Variants in KCNH7 observed in about 807,000 individuals in gnomAD.
KCNH7 encodes voltage-gated inwardly rectifying potassium channel KCNH7.
A neutral mutation model predicts 120.8 loss-of-function variants in KCNH7; 49 were observed. The observed-to-expected ratio is 0.41, with a 90% CI of 0.32 to 0.51. The LOEUF (loss-of-function observed/expected upper bound fraction) is 0.51, where lower values mean the gene tolerates loss of function less well. KCNH7 is among the 20% of genes least tolerant of loss of function. KCNH7 has a pLI of 0.38. For missense variants in KCNH7, 1,097 were observed against 1,446.6 expected, an observed-to-expected ratio of 0.76 and a Z score of 3.92; for synonymous variants, 547 against 516.1, an observed-to-expected ratio of 1.06 and a Z score of -0.81.
intron 2 of KCNH7, among the ~76,000 whole-genome samples, chr2:162,630,923 A>T (rs1212207599): frequency 7.2e-5 from 11 of 152,090 alleles, no homozygotes; most frequent in African/African-American, 2.7e-4. Flanking sequence ...ATCAGGTTCC[A>T]GGTAGCTGGG....
intron 6 of KCNH7, among the ~76,000 whole-genome samples, chr2:162,489,404 G>A (rs978511339): frequency 2.0e-5 from 3 of 152,004 alleles, no homozygotes; most frequent in African/African-American, 4.8e-5. Context: ...ATCTCATAAT[G>A]TTCTAAGAAA....
intron 6 of KCNH7, among the ~76,000 whole-genome samples, chr2:162,493,653 A>G (rs79453664): frequency 0.048 from 7,344 of 152,264 alleles, 407 homozygotes; most frequent in Admixed American, 0.16. Flanking sequence ...CCTAGTACAT[A>G]ATTAAAATAA....
At chr2:162,660,151 T>A (rs1036354168) in intron 2 of KCNH7, among the ~76,000 whole-genome samples, 1 of 152,136 alleles carries the variant, frequency 6.6e-6, no homozygotes, top group South Asian at 2.1e-4. Flanking sequence ...TCGTTATATC[T>A]TTTCTTAGGC....
chr2:162,487,367 A>T (rs1003261822), intron 6 of KCNH7, among the ~76,000 whole-genome samples: 1 of 152,162 alleles, frequency 6.6e-6, no homozygotes, highest in African/African-American at 2.4e-5. Flanking sequence ...ATATTTTCCA[A>T]GTTTGCCTGA....
chr2:162,600,423 G>T (rs1328262249), intron 2 of KCNH7, among the ~76,000 whole-genome samples: 1 of 151,982 alleles, frequency 6.6e-6, no homozygotes, highest in Non-Finnish European at 1.5e-5. Context: ...ATAATTTGGG[G>T]GTGGACAATT....
intron 6 of KCNH7, among the ~76,000 whole-genome samples, chr2:162,457,323 AAG>A (rs1237284132): frequency 3.9e-5 from 6 of 152,230 alleles, no homozygotes; most frequent in Non-Finnish European, 7.4e-5. Context: ...ATTTTCTTTT[AAG>A]AGAGAGAGAA....
intron 2 of KCNH7, among the ~76,000 whole-genome samples, chr2:162,634,678 T>C (rs1683893273): frequency 1.3e-5 from 2 of 152,158 alleles, no homozygotes; most frequent in Non-Finnish European, 2.9e-5. Context: ...AGCAGGTCTG[T>C]GTGCTTAGTA....
intron 2 of KCNH7, among the ~76,000 whole-genome samples, chr2:162,707,907 G>C (rs1214415031): frequency 6.6e-6 from 1 of 151,930 alleles, no homozygotes; most frequent in South Asian, 2.1e-4. Context: ...CATGAAGTCT[G>C]CTTCCTCATT....
At chr2:162,739,309 C>T (rs1688032303) in intron 2 of KCNH7, among the ~76,000 whole-genome samples, 1 of 152,176 alleles carries the variant, frequency 6.6e-6, no homozygotes, top group South Asian at 2.1e-4. Flanking sequence ...CCAAGGACTA[C>T]CTCCCAGCTG....
At position 162,827,753 on chromosome 2, in the gene KCNH7, T is replaced by C. The variant is rs748941409; in HGVS notation, c.307+8784A>G. On this transcript the variant is annotated intron_variant, in intron 2 of 15. Coordinates refer to ENST00000332142, the MANE Select transcript of KCNH7 (RefSeq NM_033272.4). ...TTTGCAAGTATAGATAAATGTAAATTGTAAACCACATTTCCACATTGCTCT... is the reference window on the plus strand; with the variant it reads ...TTTGCAAGTATAGATAAATGTAAATCGTAAACCACATTTCCACATTGCTCT... Among the ~76,000 whole-genome samples the C allele has an allele frequency of 5.9e-5, 9 of 152,134 alleles. No individual in the cohort carries two copies. In the South Asian group the frequency reaches 1.9e-3, roughly 31 times the overall value.
intron 2 of KCNH7, among the ~76,000 whole-genome samples, chr2:162,803,674 C>A (rs1483193217): frequency 6.6e-6 from 1 of 151,722 alleles, no homozygotes; most frequent in Non-Finnish European, 1.5e-5. Context: ...GAAAGAATCA[C>A]CCCTGGAATC....
intron 2 of KCNH7, among the ~76,000 whole-genome samples, chr2:162,820,070 C>A (rs532804539): frequency 7.9e-6 from 1 of 126,732 alleles, no homozygotes; most frequent in African/African-American, 3.2e-5. Flanking sequence ...GGTGGAGTCT[C>A]GCCCTGTCGC....
At chr2:162,492,826 T>C (rs565040986) in intron 6 of KCNH7, among the ~76,000 whole-genome samples, 1 of 150,052 alleles carries the variant, frequency 6.7e-6, no homozygotes, top group East Asian at 2.0e-4. Flanking sequence ...GCTATAGATA[T>C]ATCTAAAAGG....
At chr2:162,707,372 T>G (rs1278704547) in intron 2 of KCNH7, among the ~76,000 whole-genome samples, 3 of 152,156 alleles carry the variant, frequency 2.0e-5, no homozygotes, top group Non-Finnish European at 1.5e-5. Context: ...GATATCATTC[T>G]ATTTACAACT....
chr2:162,665,768 TA>T (rs1169334866), intron 2 of KCNH7, among the ~76,000 whole-genome samples: 1 of 152,184 alleles, frequency 6.6e-6, no homozygotes, highest in Non-Finnish European at 1.5e-5. Flanking sequence ...ATGCCCTGAT[TA>T]ATTTTCTTTA....
chr2:162,819,707 A>C (rs1337279505), intron 2 of KCNH7, among the ~76,000 whole-genome samples: 2 of 152,188 alleles, frequency 1.3e-5, no homozygotes, highest in African/African-American at 4.8e-5. Flanking sequence ...GAGGCAGGAC[A>C]ATATTTCCCT....
chr2:162,766,644 A>G (rs774154179), intron 2 of KCNH7, among the ~76,000 whole-genome samples: 6 of 152,126 alleles, frequency 3.9e-5, no homozygotes, highest in Non-Finnish European at 7.4e-5. Flanking sequence ...TCTGCCAAAC[A>G]TTTGAGCAGC....
At chr2:162,519,387 T>C (rs1056778255) in intron 3 of KCNH7, among the ~76,000 whole-genome samples, 7 of 151,864 alleles carry the variant, frequency 4.6e-5, no homozygotes, top group Non-Finnish European at 5.9e-5. Context: ...TTAAACTCCA[T>C]GTGTTCACAT....
intron 2 of KCNH7, among the ~76,000 whole-genome samples, chr2:162,688,732 C>CTTT (rs71410027): frequency 1.0e-3 from 138 of 137,784 alleles, no homozygotes; most frequent in East Asian, 1.5e-3. Context: ...TGCCCCCATT[C>CTTT]TTTTTTTTTT....
Sources: gnomAD v4.1 joint callset for allele counts (sites outside exome capture counted in the v4.1 genomes callset) on GRCh38, gnomAD v4.1.1 for gene constraint, MANE v1.5 for transcripts, NCBI Gene and HGNC (gene_info 2026-07-23, HGNC 2026-07-21) for gene names.